USP34: variants seen among roughly 807,000 people sequenced by gnomAD.
USP34 encodes the protein ubiquitin specific peptidase 34.
In USP34, 70 loss-of-function variants were observed where a neutral mutation model predicts 460.3. The observed-to-expected ratio is 0.15, with a 90% CI of 0.13 to 0.19. USP34 has a LOEUF of 0.19. Among genes scored for constraint, USP34 ranks in the 10% least tolerant of loss-of-function variants. USP34 has a pLI of 1.00. For synonymous variants in USP34, 1,647 were observed against 1,405.3 expected, an observed-to-expected ratio of 1.17 and a Z score of -3.85; for missense variants, 3,985 against 4,236.2, an observed-to-expected ratio of 0.94 and a Z score of 1.65.
intron 7 of USP34, 42 bp downstream of exon 7, chr2:61,380,127 A>G: frequency 1.3e-6 from 2 of 1,571,528 alleles, no homozygotes; most frequent in Non-Finnish European, 1.7e-6. Flanking sequence ...TAGACCAGAA[A>G]ACAAATAAAC....
In USP34 at chr2:61,329,529, G is replaced by A. The variant is rs191293670; in HGVS notation, c.2930+1747C>T. 5.1e-4 allele frequency among the ~76,000 whole-genome samples: 78 copies of A among 152,162 alleles called. 2 individuals carry two copies. The East Asian group carries it at 0.015, about 29-fold the overall frequency. ...GAATACAGTAAATAGAAATACCCCAGAAATAATTTGATAAGCTTGTAGAAT... is the reference window on the plus strand; with the variant it reads ...GAATACAGTAAATAGAAATACCCCAAAAATAATTTGATAAGCTTGTAGAAT... On this transcript the variant is annotated intron_variant, in intron 20 of 79. Coordinates refer to ENST00000398571, the MANE Select transcript of USP34 (RefSeq NM_014709.4).
intron 50 of USP34, among the ~76,000 whole-genome samples, chr2:61,245,526 C>A (rs1688396283): frequency 6.6e-6 from 1 of 151,078 alleles, no homozygotes; most frequent in Non-Finnish European, 1.5e-5. Context: ...CAAAAGAATT[C>A]ATAAAAGAAA....
At chr2:61,360,048 G>T (rs948651524) in intron 10 of USP34, among the ~76,000 whole-genome samples, 1 of 152,110 alleles carries the variant, frequency 6.6e-6, no homozygotes, top group Middle Eastern at 3.4e-3. Flanking sequence ...TTCCCAAAAT[G>T]CTGGGATGCC....
At chr2:61,239,737 T>G (rs1326131466) in intron 53 of USP34, among the ~76,000 whole-genome samples, 1 of 152,096 alleles carries the variant, frequency 6.6e-6, no homozygotes, top group Non-Finnish European at 1.5e-5. Flanking sequence ...TTAAAAGCAT[T>G]TGAGAACAAT....
chr2:61,378,809 G>A (rs906535051), intron 7 of USP34, among the ~76,000 whole-genome samples: 1 of 148,466 alleles, frequency 6.7e-6, no homozygotes, highest in African/African-American at 2.5e-5. Context: ...AGAGGCTGAG[G>A]CACGAAAATC....
At chr2:61,342,835 A>G (rs1050014854) in intron 16 of USP34, among the ~76,000 whole-genome samples, 1 of 152,236 alleles carries the variant, frequency 6.6e-6, no homozygotes. Flanking sequence ...TCCACGCAGT[A>G]AAAAATAGGT....
intron 10 of USP34, among the ~76,000 whole-genome samples, chr2:61,365,756 T>C (rs747692923): frequency 2.4e-4 from 36 of 152,028 alleles, no homozygotes; most frequent in Admixed American, 1.5e-3. Context: ...TTTGATAAAA[T>C]ACAAGTAACA....
Position 61,317,679 on chromosome 2 carries a change from G to A in USP34, c.3257C>T (p.Ala1086Val). The A allele has an allele frequency of 6.2e-7, 1 of 1,613,928 alleles. No individual in the cohort carries two copies. Among genetic ancestry groups the A allele is most frequent in the Non-Finnish European group, 8.5e-7 (1 of 1,179,934 alleles). Residue 1086 changes from alanine (A) to valine (V), a missense_variant, in exon 23 of 80, where the codon GCC (alanine) becomes GTC (valine). Physicochemically the swap from Ala to Val is moderately conservative, Grantham distance 64 (BLOSUM62 0). Coordinates refer to ENST00000398571, the MANE Select transcript of USP34 (RefSeq NM_014709.4). ...LCNLARLATS[A>V]YDGCSNSELC... The stretch of plus-strand genomic sequence containing the variant: ...CTCAGAATTTGAACAACCATCATAG[G>A]CACTGGTAGCCAATCGAGCCAAGTT...
At chr2:61,409,574 C>T (rs1693979702) in intron 2 of USP34, among the ~76,000 whole-genome samples, 1 of 152,010 alleles carries the variant, frequency 6.6e-6, no homozygotes, top group Admixed American at 6.6e-5. Context: ...ATTAGCCAGC[C>T]ATGGTGGCGG....
chr2:61,349,223 G>C (rs769131173), intron 13 of USP34, 27 bp downstream of exon 13: 2 of 1,605,556 alleles, frequency 1.2e-6, no homozygotes, highest in African/African-American at 2.7e-5. Flanking sequence ...AAGTCATGTT[G>C]CCATGAATTT....
At chr2:61,213,276 C>A (rs1687319159) in intron 68 of USP34, among the ~76,000 whole-genome samples, 1 of 152,060 alleles carries the variant, frequency 6.6e-6, no homozygotes, top group South Asian at 2.1e-4. Flanking sequence ...CTCCAAAGTG[C>A]TGAAATTACA....
intron 10 of USP34, among the ~76,000 whole-genome samples, chr2:61,352,776 A>AGAG (rs1482563095): frequency 2.6e-5 from 4 of 152,088 alleles, no homozygotes; most frequent in Non-Finnish European, 4.4e-5. Context: ...TGGCAGCAGC[A>AGAG]GAGGAGGAGG....
intron 18 of USP34, among the ~76,000 whole-genome samples, chr2:61,338,849 G>A (rs750008308): frequency 3.3e-5 from 5 of 152,182 alleles, no homozygotes; most frequent in Non-Finnish European, 7.3e-5. Flanking sequence ...CAAAAGAACT[G>A]TACATATCTA....
intron 1 of USP34, among the ~76,000 whole-genome samples, chr2:61,455,130 C>A (rs563761324): frequency 6.6e-6 from 1 of 151,952 alleles, no homozygotes; most frequent in Admixed American, 6.6e-5. Context: ...GATATGCCTA[C>A]CTTGGCCTCC....
chr2:61,262,275 G>C (rs367635653), intron 43 of USP34, among the ~76,000 whole-genome samples: 3 of 151,356 alleles, frequency 2.0e-5, no homozygotes, highest in African/African-American at 7.3e-5. Context: ...TTGGTATATA[G>C]ATTGTTCTAT....
At chr2:61,199,556 C>T (rs1686908453) in intron 75 of USP34, among the ~76,000 whole-genome samples, 1 of 152,166 alleles carries the variant, frequency 6.6e-6, no homozygotes. Context: ...GTGCCCTGCC[C>T]CCAATGAAGT....
At chr2:61,444,668 A>AAGAT (rs1695057812) in intron 1 of USP34, among the ~76,000 whole-genome samples, 1 of 152,178 alleles carries the variant, frequency 6.6e-6, no homozygotes, top group South Asian at 2.1e-4. Flanking sequence ...GATGCACATT[A>AAGAT]AAGGGCTAGG....
rs554122618 is a variant in USP34 at position 61,262,528 on chromosome 2, ATG to A, written c.5779-2754_5779-2753del. On this transcript the variant is annotated intron_variant, in intron 43 of 79. Coordinates refer to ENST00000398571, the MANE Select transcript of USP34 (RefSeq NM_014709.4). Reference sequence around the variant, plus strand: ...AAAGACATGGTCTTGTTCTTTTTTTATGGCTGCATAGTGTTCTATGCTGTATA... The same window carrying A: ...AAAGACATGGTCTTGTTCTTTTTTTAGCTGCATAGTGTTCTATGCTGTATA... 4.0e-4 allele frequency among the ~76,000 whole-genome samples: 61 copies of A among 152,102 alleles called. No homozygotes were observed. The East Asian group carries it at 0.011, about 28-fold the overall frequency.
chr2:61,260,488 A>T (rs1473030755), intron 43 of USP34, among the ~76,000 whole-genome samples: 2 of 152,226 alleles, frequency 1.3e-5, no homozygotes. Flanking sequence ...AGGCGTCCAC[A>T]AGCTAAGAGT....
Sources: allele counts gnomAD v4.1 joint callset (sites outside exome capture counted in the v4.1 genomes callset), GRCh38; gene constraint gnomAD v4.1.1; transcripts MANE v1.5; gene names NCBI Gene and HGNC (gene_info 2026-07-23, HGNC 2026-07-21).